MAP2K2: variants seen among roughly 807,000 people sequenced by gnomAD.
MAP2K2 encodes the protein mitogen-activated protein kinase kinase 2, also known as dual specificity mitogen-activated protein kinase kinase 2.
Under a neutral mutation model 43.7 loss-of-function variants are expected in MAP2K2, and 24 were observed. The observed-to-expected ratio is 0.55, with a 90% CI of 0.40 to 0.77. The LOEUF (loss-of-function observed/expected upper bound fraction) is 0.77. MAP2K2 is among the 30% of genes least tolerant of loss of function. MAP2K2 has a pLI of 0.00. For synonymous variants in MAP2K2, 244 were observed against 239.7 expected, an observed-to-expected ratio of 1.02 and a Z score of -0.17; for missense variants, 470 against 566.8, an observed-to-expected ratio of 0.83 and a Z score of 1.73.
chr19:4,092,968 C>A (rs960169010), intron 10 of MAP2K2, among the ~76,000 whole-genome samples: 1 of 151,862 alleles, frequency 6.6e-6, no homozygotes, highest in South Asian at 2.1e-4. Context: ...CAGCACTTTG[C>A]GAGGCTGAGG....
chr19:4,101,347 G>A lies in MAP2K2; in HGVS notation c.529-67C>T. The stretch of plus-strand genomic sequence containing the variant: ...GGGCTTAGCTCCTGACCGAGCCCGG[G>A]GGTCAGAGCTGAGCAGTCAGAGCTG... On this transcript the variant is annotated intron_variant, in intron 4 of 10. Coordinates refer to ENST00000262948, the MANE Select transcript of MAP2K2 (RefSeq NM_030662.4). The surrounding 1 kb of genome is among the most constrained non-coding windows in gnomAD (Gnocchi z 6.3). 1 of 1,516,892 alleles carries A rather than the reference G, an allele frequency of 6.6e-7. No homozygotes were observed. The highest frequency in any genetic ancestry group is 9.0e-7 in the Non-Finnish European group (1 of 1,116,434). The allele number at this position is 1,516,892 out of a possible 1,614,324, so 94.0% of individuals were successfully genotyped here.
chr19:4,108,500 G>A (rs371934491), intron 3 of MAP2K2, among the ~76,000 whole-genome samples: 2 of 151,226 alleles, frequency 1.3e-5, no homozygotes, highest in African/African-American at 4.9e-5. Flanking sequence ...AACTCGCCTC[G>A]GCCTCCCAAA....
intron 2 of MAP2K2, 70 bp from the exon 3 acceptor site, chr19:4,110,725 T>C (rs2145070738): frequency 6.5e-7 from 1 of 1,547,306 alleles, no homozygotes; most frequent in Non-Finnish European, 8.8e-7. Context: ...TTGGGGCCTC[T>C]GCTCTGCAGG....
In MAP2K2 at chr19:4,110,660, A is replaced by G. The variant is rs765251219; in HGVS notation, c.304-5T>C. 1 of 1,611,486 alleles carries G rather than the reference A, an allele frequency of 6.2e-7. No homozygotes were observed. The highest frequency in any genetic ancestry group is 2.2e-5 in the East Asian group (1 of 44,858). On this transcript the variant is annotated splice_polypyrimidine_tract_variant and splice_region_variant and intron_variant, in intron 2 of 10. Transcript: ENST00000262948. ...CTTGATCTCAAGGTGGATCAGCTGC[A>G]AGGGGAGAGGGGCGAGACTGGCTTG...
Position 4,099,382 on chromosome 19 carries a change from C to A in MAP2K2, c.738G>T (p.Val246=). 1.2e-6 allele frequency: 2 copies of A among 1,611,410 alleles called. No homozygotes were observed. The highest frequency in any genetic ancestry group is 1.7e-6 in the Non-Finnish European group (2 of 1,179,152). ...PERLQGTHYS[V]QSDIWSMGLS... ...GGCCCATGCTCCAGATGTCCGACTGCACCGAGTAATGTGTGCCCTGCAACC... is the reference window on the plus strand; with the variant it reads ...GGCCCATGCTCCAGATGTCCGACTGAACCGAGTAATGTGTGCCCTGCAACC... The change falls in exon 7 of 11, where the codon GTG becomes GTT. Residue 246 remains valine, a synonymous_variant. Coordinates refer to ENST00000262948, the MANE Select transcript of MAP2K2 (RefSeq NM_030662.4).
intron 7 of MAP2K2, among the ~76,000 whole-genome samples, chr19:4,098,945 C>G (rs1428836584): frequency 6.6e-6 from 1 of 152,276 alleles, no homozygotes; most frequent in African/African-American, 2.4e-5. Flanking sequence ...GGTGGCAAAG[C>G]TGCGCTCCCA....
intron 8 of MAP2K2, among the ~76,000 whole-genome samples, chr19:4,096,781 C>T (rs350913): frequency 0.32 from 49,242 of 152,060 alleles, 9,846 homozygotes; most frequent in East Asian, 0.64. Context: ...GCTGGCTCCT[C>T]GGCCTGAGCC....
At chr19:4,094,177 G>T (rs1267574952) in intron 10 of MAP2K2, among the ~76,000 whole-genome samples, 1 of 152,200 alleles carries the variant, frequency 6.6e-6, no homozygotes, top group African/African-American at 2.4e-5. Flanking sequence ...TCCTGTGGGT[G>T]CGGGACCAGC....
Position 4,097,336 on chromosome 19 carries a change from C to T in MAP2K2, c.927G>A (p.Gly309=), listed in dbSNP as rs1283839004. ...TGGCCATGGCAGGCCGGCTATCCAT[C>T]CCGTGACCTGCACAGGGAGAGAGAT... ...RPPGRPVSGH[G]MDSRPAMAIF... Residue 309 remains glycine (G), a synonymous_variant, in exon 8 of 11, where the codon GGG becomes GGA. Transcript: ENST00000262948. 16 of 1,612,708 alleles carry T rather than the reference C, an allele frequency of 9.9e-6. No individual in the cohort carries two copies. Among genetic ancestry groups the T allele is most frequent in the Non-Finnish European group, 1.2e-5 (14 of 1,179,648 alleles).
intron 3 of MAP2K2, among the ~76,000 whole-genome samples, chr19:4,106,391 T>G (rs1488540891): frequency 6.6e-6 from 1 of 152,098 alleles, no homozygotes; most frequent in Non-Finnish European, 1.5e-5. Context: ...AACAAATGAA[T>G]GGGCCAATGC....
At chr19:4,095,612 G>A (rs138113591) in intron 8 of MAP2K2, among the ~76,000 whole-genome samples, 163 bp from the exon 9 acceptor site, 31 of 152,312 alleles carry the variant, frequency 2.0e-4, no homozygotes, top group African/African-American at 5.8e-4. Flanking sequence ...GCCTTCTCCC[G>A]AAAGCTCTCG....
intron 10 of MAP2K2, among the ~76,000 whole-genome samples, chr19:4,091,714 T>G (rs1213310323): frequency 6.6e-6 from 1 of 151,994 alleles, no homozygotes; most frequent in African/African-American, 2.4e-5. Flanking sequence ...AGTGGTATGA[T>G]CTCAGCTCAC....
intron 10 of MAP2K2, among the ~76,000 whole-genome samples, chr19:4,092,243 G>C (rs749024336): frequency 6.6e-6 from 1 of 152,164 alleles, no homozygotes; most frequent in Non-Finnish European, 1.5e-5. Flanking sequence ...AACTTGATAG[G>C]ACACATCTTG....
Position 4,101,534 on chromosome 19 carries a change from T to C in MAP2K2, c.529-254A>G, listed in dbSNP as rs1019381198. Among the ~76,000 whole-genome samples the C allele has an allele frequency of 2.0e-5, 3 of 152,184 alleles. No homozygotes were observed. The highest frequency in any genetic ancestry group is 7.2e-5 in the African/African-American group (3 of 41,454). On this transcript the variant is annotated intron_variant, in intron 4 of 10. Transcript: ENST00000262948. The surrounding 1 kb of genome is among the most constrained non-coding windows in gnomAD (Gnocchi z 6.3). ...GTGCCGCCGATGCCACTACTGCCTTTGATTCAGAGCACACGGCTTAGCCCC... is the reference window on the plus strand; with the variant it reads ...GTGCCGCCGATGCCACTACTGCCTTCGATTCAGAGCACACGGCTTAGCCCC...
At chr19:4,116,457 G>A (rs966453508) in intron 2 of MAP2K2, among the ~76,000 whole-genome samples, 1 of 151,790 alleles carries the variant, frequency 6.6e-6, no homozygotes. Flanking sequence ...TTGAACCCAG[G>A]AGGTAGAGGT....
At chr19:4,104,042 T>A (rs2041052256) in intron 3 of MAP2K2, among the ~76,000 whole-genome samples, 1 of 152,054 alleles carries the variant, frequency 6.6e-6, no homozygotes, top group African/African-American at 2.4e-5. Flanking sequence ...GGCAGGCGGA[T>A]CACTTGAGGT....
At chr19:4,099,150 C>A (rs2145049236) in intron 7 of MAP2K2, 51 bp downstream of exon 7, 2 of 1,482,834 alleles carry the variant, frequency 1.3e-6, no homozygotes, top group Non-Finnish European at 1.8e-6. Flanking sequence ...ACAGCAGGCC[C>A]CGCGCAGGGC....
At chr19:4,111,542 G>A (rs755772891) in intron 2 of MAP2K2, among the ~76,000 whole-genome samples, 4 of 152,118 alleles carry the variant, frequency 2.6e-5, no homozygotes, top group Non-Finnish European at 4.4e-5. Flanking sequence ...ACAGAGCCGC[G>A]GGCGCCCCTG....
rs576777247 is a variant in MAP2K2 at position 4,107,569 on chromosome 19, C to T, written c.450+2940G>A. Among the ~76,000 whole-genome samples the T allele has an allele frequency of 1.8e-3, 270 of 148,026 alleles. 3 individuals are homozygous for T. Among genetic ancestry groups the T allele is most frequent in the Non-Finnish European group, 3.3e-3 (224 of 67,394 alleles). On this transcript the variant is annotated intron_variant, in intron 3 of 10. Transcript: ENST00000262948. Reference sequence around the variant, plus strand: ...AAACAAACTTAAAAAGCTACTCAAGCGTGCTGGTGCACCTGTAGTCCCGGC... The same window carrying T: ...AAACAAACTTAAAAAGCTACTCAAGTGTGCTGGTGCACCTGTAGTCCCGGC...
Sources: gnomAD v4.1 joint callset for allele counts (sites outside exome capture counted in the v4.1 genomes callset) on GRCh38, gnomAD v4.1.1 for gene constraint, Gnocchi (gnomAD v3.1) non-coding constraint, MANE v1.5 for transcripts, NCBI Gene and HGNC (gene_info 2026-07-23, HGNC 2026-07-21) for gene names.